Variants in LARP1 observed in about 807,000 individuals in gnomAD.
LARP1 encodes La ribonucleoprotein 1, translational regulator.
Under a neutral mutation model 122.7 loss-of-function variants are expected in LARP1, and 36 were observed. The ratio of observed to expected loss-of-function variants is 0.29; its 90% CI spans 0.22 to 0.39. LARP1 has a LOEUF of 0.39. Ranked by LOEUF, LARP1 falls within the 10% of genes least tolerant of loss-of-function variation. The probability of loss-of-function intolerance (pLI) is 1.00; values close to 1 mark genes in which losing one functional copy is unlikely to be tolerated. For missense variants in LARP1, 1,040 were observed against 1,403.6 expected (o/e 0.74, Z 4.14); for synonymous variants, 539 against 528.7 (o/e 1.02, Z -0.27).
chr5:154,768,506 C>G (rs1755131535), intron 1 of LARP1, among the ~76,000 whole-genome samples: 1 of 152,196 alleles, frequency 6.6e-6, no homozygotes. Context: ...CTAGGGAATT[C>G]TAGCTTTAAA....
intron 17 of LARP1, 36 bp downstream of exon 17, chr5:154,811,392 C>T (rs749167398): frequency 3.1e-6 from 5 of 1,598,504 alleles, no homozygotes; most frequent in Non-Finnish European, 4.3e-6. Context: ...GAGGCCTGGT[C>T]ATGTAGGCCT....
At position 154,735,632 on chromosome 5, in the gene LARP1, G is replaced by C. The variant is rs377022824; in HGVS notation, c.205+22502G>C. Among the ~76,000 whole-genome samples, 346 of 151,550 alleles carry C rather than the reference G, an allele frequency of 2.3e-3. 1 individual carries two copies. The highest frequency in any genetic ancestry group is 8.3e-3 in the African/African-American group (342 of 41,370). On this transcript the variant is annotated intron_variant, in intron 1 of 18. Coordinates refer to the LARP1 transcript ENST00000336314. ...TGTCCAGGCTGGATTGTAGTGGCGTGATCTCGGCTCATTGAAACCTCCACC... is the reference window on the plus strand; with the variant it reads ...TGTCCAGGCTGGATTGTAGTGGCGTCATCTCGGCTCATTGAAACCTCCACC...
chr5:154,806,022 C>T lies in LARP1; in HGVS notation c.2688C>T (p.Arg896=), dbSNP rs748572760. The T allele has an allele frequency of 1.2e-6, 2 of 1,614,068 alleles. No homozygotes were observed. Among genetic ancestry groups the T allele is most frequent in the Non-Finnish European group, 1.7e-6 (2 of 1,179,974 alleles). Residue 896 remains arginine (R), a synonymous_variant, in exon 15 of 19, where the codon CGC becomes CGT. Coordinates refer to ENST00000518297, the MANE Select transcript of LARP1 (RefSeq NM_033551.3). ...TQHVYHKYRR[R]CLNERKRLGI... ...ACGTCTACCATAAGTATCGTAGGCG[C>T]TGCCTTAATGGTAAGAAGTGTGGGG...
chr5:154,776,672 T>C (rs1341745695), intron 1 of LARP1, among the ~76,000 whole-genome samples: 1 of 152,208 alleles, frequency 6.6e-6, no homozygotes, highest in Non-Finnish European at 1.5e-5. Flanking sequence ...AATTAATTTC[T>C]GGAGTTTATA....
At chr5:154,739,221 C>G (rs562393266) in intron 1 of LARP1, among the ~76,000 whole-genome samples, 1 of 152,026 alleles carries the variant, frequency 6.6e-6, no homozygotes, top group Non-Finnish European at 1.5e-5. Context: ...GGGGTTTCAC[C>G]GTGTTAGCCA....
chr5:154,709,583 A>T (rs942695525), upstream of LARP1, among the ~76,000 whole-genome samples: 18 of 148,964 alleles, frequency 1.2e-4, no homozygotes, highest in African/African-American at 4.4e-4. Context: ...CTTTTCAAAG[A>T]AGCTCTCCAG....
intron 1 of LARP1, among the ~76,000 whole-genome samples, chr5:154,691,744 C>T (rs1286901890): frequency 6.6e-6 from 1 of 152,126 alleles, no homozygotes; most frequent in Non-Finnish European, 1.5e-5. Flanking sequence ...CTCGGTTCAT[C>T]CCCCATAGGG....
intron 1 of LARP1, among the ~76,000 whole-genome samples, chr5:154,716,867 C>G (rs1355596393): frequency 6.6e-6 from 1 of 152,112 alleles, no homozygotes; most frequent in African/African-American, 2.4e-5. Flanking sequence ...TGAGACTGAC[C>G]TGGGCGACAT....
At chr5:154,779,966 C>T (rs1168825268) in intron 1 of LARP1, among the ~76,000 whole-genome samples, 1 of 152,164 alleles carries the variant, frequency 6.6e-6, no homozygotes, top group Non-Finnish European at 1.5e-5. Flanking sequence ...TGGGTTGTAG[C>T]ATATGACACT....
chr5:154,784,345 G>A (rs1756711890), intron 1 of LARP1, among the ~76,000 whole-genome samples: 1 of 152,206 alleles, frequency 6.6e-6, no homozygotes, highest in South Asian at 2.1e-4. Flanking sequence ...CACCACACTT[G>A]AGGTCTGGGA....
At chr5:154,718,635 C>T (rs894314428) in intron 1 of LARP1, 3 of 152,348 alleles carry the variant, frequency 2.0e-5, no homozygotes, top group African/African-American at 7.2e-5. Flanking sequence ...AAGTGATCCT[C>T]CTGCCTAAGC....
intron 1 of LARP1, among the ~76,000 whole-genome samples, chr5:154,726,214 C>T (rs564040435): frequency 1.2e-3 from 178 of 152,248 alleles, no homozygotes; most frequent in African/African-American, 4.2e-3. Flanking sequence ...ATTAGACCAG[C>T]CCTGACAAAA....
chr5:154,743,308 A>AT (rs1469379945), intron 1 of LARP1, among the ~76,000 whole-genome samples: 1 of 114,092 alleles, frequency 8.8e-6, no homozygotes, highest in Non-Finnish European at 2.1e-5. Context: ...TATTATTCTT[A>AT]TTTATTTATT....
chr5:154,719,483 G>A (rs1755722057), intron 1 of LARP1, among the ~76,000 whole-genome samples: 1 of 152,194 alleles, frequency 6.6e-6, no homozygotes, highest in Non-Finnish European at 1.5e-5. Context: ...CAATCATCCT[G>A]AAATACAACT....
rs548427493 is a variant in LARP1 at position 154,791,017 on chromosome 5, A to G, written c.564+307A>G. On this transcript the variant is annotated intron_variant, in intron 3 of 18. Transcript: ENST00000518297. ...TTTTTAGTAGAGACAAGGTTTCACCATGTTGGCCAGGCTGGTCTCGAACTC... is the reference window on the plus strand; with the variant it reads ...TTTTTAGTAGAGACAAGGTTTCACCGTGTTGGCCAGGCTGGTCTCGAACTC... Among the ~76,000 whole-genome samples the G allele has an allele frequency of 3.3e-5, 5 of 151,658 alleles. No individual in the cohort carries two copies. The East Asian group carries it at 5.8e-4, about 18-fold the overall frequency.
At chr5:154,723,890 C>G (rs1756040080) in intron 1 of LARP1, among the ~76,000 whole-genome samples, 1 of 152,226 alleles carries the variant, frequency 6.6e-6, no homozygotes, top group African/African-American at 2.4e-5. Flanking sequence ...ATGAGGGCTA[C>G]TGATTCTCCC....
In LARP1 at chr5:154,792,664, A is replaced by G. The variant is rs1582426970; in HGVS notation, c.607A>G (p.Lys203Glu). Residue 203 changes from lysine (K) to glutamate (E), a missense_variant, in exon 4 of 19, where the codon AAG (lysine) becomes GAG (glutamate). Transcript: ENST00000518297. ...KPQPTRKLPP[K>E]KDMKEQEKGE... Reference sequence around the variant, plus strand: ...TCAGCCTACCCGTAAACTGCCACCCAAGAAGGACATGAAGGAACAGGAGAA... The same window carrying G: ...TCAGCCTACCCGTAAACTGCCACCCGAGAAGGACATGAAGGAACAGGAGAA... The G allele has an allele frequency of 6.2e-7, 1 of 1,614,104 alleles. No individual in the cohort carries two copies. The highest frequency in any genetic ancestry group is 2.2e-5 in the East Asian group (1 of 44,886).
chr5:154,771,644 C>T (rs1220971120), intron 1 of LARP1, among the ~76,000 whole-genome samples: 3 of 152,226 alleles, frequency 2.0e-5, no homozygotes, highest in Admixed American at 6.5e-5. Flanking sequence ...AGGGCTGTTA[C>T]GGCCCAGCCT....
chr5:154,803,332 G>A lies in LARP1; in HGVS notation c.2152G>A (p.Glu718Lys), dbSNP rs747123662. The A allele has an allele frequency of 1.9e-6, 3 of 1,614,126 alleles. No homozygotes were observed. The highest frequency in any genetic ancestry group is 1.6e-4 in the Middle Eastern group (1 of 6,062). ...NFKKVNMISR[E>K]QFDTLTPEPP... ...CAAAAAGGTCAATATGATCAGCCGGGAGCAGTTTGACACACTGACCCCTGA... is the reference window on the plus strand; with the variant it reads ...CAAAAAGGTCAATATGATCAGCCGGAAGCAGTTTGACACACTGACCCCTGA... The change falls in exon 12 of 19, where the codon GAG becomes AAG. Residue 718 changes from glutamate (E) to lysine (K), a missense_variant. This residue lies in a region of LARP1 where 362 missense variants were observed against 533.1 expected (regional missense o/e 0.68). Coordinates refer to ENST00000518297, the MANE Select transcript of LARP1 (RefSeq NM_033551.3). The surrounding 1 kb of genome is among the most constrained non-coding windows in gnomAD (Gnocchi z 4.4).
Sources: allele counts gnomAD v4.1 joint callset (sites outside exome capture counted in the v4.1 genomes callset), GRCh38; gene constraint gnomAD v4.1.1; regional missense constraint gnomAD v4.1.1; non-coding constraint Gnocchi (gnomAD v3.1); transcripts MANE v1.5; gene names NCBI Gene and HGNC (gene_info 2026-07-23, HGNC 2026-07-21).